SEM1: variants seen among roughly 807,000 people sequenced by gnomAD.
SEM1 encodes 26S proteasome complex subunit SEM1.
SEM1 carries 3 observed loss-of-function variants against 12.7 expected under a neutral mutation model. The ratio of observed to expected loss-of-function variants is 0.24; its 90% CI spans 0.11 to 0.61. SEM1 has a LOEUF of 0.61. SEM1 is among the 20% of genes least tolerant of loss of function. The pLI is 0.88. For synonymous variants in SEM1, 30 were observed against 27.8 expected (o/e 1.08, Z -0.25); for missense variants, 59 against 81.3 (o/e 0.73, Z 1.06).
rs1434256626 is a variant in SEM1, at chr7:96,703,970, AAAACACAC to A, written c.76+5710_76+5717del. Among the ~76,000 whole-genome samples, 359 of 86,996 alleles carry A rather than the reference AAAACACAC, an allele frequency of 4.1e-3. 2 individuals carry two copies. Among genetic ancestry groups the A allele is most frequent in the African/African-American group, 0.015 (344 of 22,970 alleles). The allele number at this position is 86,996 out of a possible 152,430, so 57.1% of individuals were successfully genotyped here. On this transcript the variant is annotated intron_variant, in intron 1 of 2. Transcript: ENST00000248566. ...CACCAGAGCAAGACCTTGTCTCTTA[AAAACACAC>A]ACACACACACACACACACACACACA...
chr7:96,645,859 A>G, intron 2 of SEM1: 2 of 398,286 alleles, frequency 5.0e-6, no homozygotes, highest in Non-Finnish European at 8.9e-6. Flanking sequence ...GAAGGCCTGG[A>G]CTCTGGGAAT....
chr7:96,499,027 A>G (rs374917380), upstream of SEM1, among the ~76,000 whole-genome samples: 1 of 152,206 alleles, frequency 6.6e-6, no homozygotes, highest in Admixed American at 6.5e-5. Context: ...AATGAAGCAC[A>G]TAGATTTTTC....
chr7:96,589,376 G>C (rs1053222631), intron 2 of SEM1, among the ~76,000 whole-genome samples: 1 of 152,098 alleles, frequency 6.6e-6, no homozygotes, highest in East Asian at 1.9e-4. Flanking sequence ...TGTGCTCTTC[G>C]GTCACTGTAT....
intron 1 of SEM1, among the ~76,000 whole-genome samples, chr7:96,705,401 G>A (rs1008057800): frequency 4.7e-5 from 7 of 148,930 alleles, no homozygotes; most frequent in Non-Finnish European, 8.9e-5. Context: ...CACAGGAAGA[G>A]AATAAAAGAA....
chr7:96,574,206 A>T (rs1806130920), intron 2 of SEM1, among the ~76,000 whole-genome samples: 1 of 151,732 alleles, frequency 6.6e-6, no homozygotes, highest in Admixed American at 6.6e-5. Flanking sequence ...TGTCCTTGTG[A>T]TAGTTTGCTG....
At chr7:96,504,509 C>G (rs1803683803) in intron 3 of SEM1, among the ~76,000 whole-genome samples, 1 of 151,942 alleles carries the variant, frequency 6.6e-6, no homozygotes, top group Non-Finnish European at 1.5e-5. Flanking sequence ...TACATCTATA[C>G]CTCTCCTCAT....
At position 96,524,416 on chromosome 7, in the gene SEM1, G is replaced by A. The variant is rs192215095; in HGVS notation, c.171-17718C>T. 2.1e-3 allele frequency among the ~76,000 whole-genome samples: 316 copies of A among 152,232 alleles called. 1 individual carries two copies. The highest frequency in any genetic ancestry group is 7.0e-3 in the African/African-American group (291 of 41,556). ...CACTAAAATTGTAGCTAGTAAGACT[G>A]AGGTACTGGATGTTTTATTTTATTT... is the stretch of plus-strand genomic sequence containing the variant. On this transcript the variant is annotated intron_variant and NMD_transcript_variant, in intron 2 of 3. Transcript: ENST00000466986.
At chr7:96,613,596 T>C (rs1288926511) in intron 2 of SEM1, among the ~76,000 whole-genome samples, 1 of 152,224 alleles carries the variant, frequency 6.6e-6, no homozygotes, top group Non-Finnish European at 1.5e-5. Context: ...CAATACATTA[T>C]TATTAACTAT....
intron 2 of SEM1, among the ~76,000 whole-genome samples, chr7:96,557,412 C>G (rs993243556): frequency 3.1e-5 from 4 of 131,056 alleles, no homozygotes; most frequent in Non-Finnish European, 5.1e-5. Context: ...TTCTAACAGA[C>G]AGGACCCTCA....
chr7:96,663,584 A>C (rs967750618), intron 2 of SEM1, among the ~76,000 whole-genome samples: 1 of 152,232 alleles, frequency 6.6e-6, no homozygotes, highest in Admixed American at 6.5e-5. Flanking sequence ...GGCAGGCTTC[A>C]GTACCTCCAC....
At chr7:96,685,500 GC>G (rs1789735743), downstream of SEM1, among the ~76,000 whole-genome samples, 1 of 152,052 alleles carries the variant, frequency 6.6e-6, no homozygotes, top group African/African-American at 2.4e-5. Flanking sequence ...TATATTAAGT[GC>G]TGTTGAAAGA....
At chr7:96,523,913 C>T (rs146881431) in intron 2 of SEM1, among the ~76,000 whole-genome samples, 62 of 152,222 alleles carry the variant, frequency 4.1e-4, no homozygotes, top group African/African-American at 1.4e-3. Context: ...TTCTCACTTA[C>T]GTTTAACAAA....
chr7:96,556,539 A>G (rs1440710768), intron 2 of SEM1, among the ~76,000 whole-genome samples: 2 of 152,162 alleles, frequency 1.3e-5, no homozygotes, highest in Non-Finnish European at 2.9e-5. Context: ...TCTGTCTTCT[A>G]GGGTTTCTGC....
At chr7:96,618,601 G>A (rs1807790877), downstream of SEM1, among the ~76,000 whole-genome samples, 1 of 151,448 alleles carries the variant, frequency 6.6e-6, no homozygotes, top group Admixed American at 6.6e-5. Context: ...GCTTATTTTT[G>A]TCTGAATGGA....
intron 2 of SEM1, among the ~76,000 whole-genome samples, chr7:96,527,536 A>C (rs4296976): frequency 0.35 from 52,705 of 152,030 alleles, 10,050 homozygotes; most frequent in African/African-American, 0.52. Context: ...TTGCCAGGTA[A>C]AAATAAACTT....
rs1348044412 is a variant in SEM1 at position 96,640,125 on chromosome 7, A to T, written c.171-17482T>A. On this transcript the variant is annotated intron_variant, in intron 2 of 2. Transcript: ENST00000417009. The surrounding 1 kb of genome is among the most constrained non-coding windows in gnomAD (Gnocchi z 4.0). ...ATCATTCACTGCTGTAATGAATACA[A>T]ATGCAAAATGGAACAGCCACTTTGG... is the stretch of plus-strand genomic sequence containing the variant. 6.6e-6 allele frequency among the ~76,000 whole-genome samples: 1 copy of T among 152,012 alleles called. No individual in the cohort carries two copies. Among genetic ancestry groups the T allele is most frequent in the Non-Finnish European group, 1.5e-5 (1 of 67,940 alleles).
intron 2 of SEM1, chr7:96,623,079 G>C (rs6970996): frequency 0.12 from 18,424 of 155,562 alleles, 1,174 homozygotes; most frequent in Non-Finnish European, 0.14. Flanking sequence ...CCCAATATGA[G>C]TAGGCATCAT....
intron 2 of SEM1, among the ~76,000 whole-genome samples, chr7:96,625,656 T>C (rs972427872): frequency 2.6e-5 from 4 of 152,332 alleles, no homozygotes; most frequent in South Asian, 2.1e-4. Context: ...CATCTGCATA[T>C]ATGATAAATC....
At chr7:96,629,335 C>T (rs924224613) in intron 2 of SEM1, among the ~76,000 whole-genome samples, 2 of 151,738 alleles carry the variant, frequency 1.3e-5, no homozygotes, top group African/African-American at 4.8e-5. Flanking sequence ...CTTTTTTATT[C>T]TTTTTTGTGG....
Sources: allele counts gnomAD v4.1 joint callset (sites outside exome capture counted in the v4.1 genomes callset), GRCh38; gene constraint gnomAD v4.1.1; non-coding constraint Gnocchi (gnomAD v3.1); transcripts MANE v1.5; gene names NCBI Gene and HGNC (gene_info 2026-07-23, HGNC 2026-07-21).